EFL1: variants seen among roughly 807,000 people sequenced by gnomAD.
EFL1 encodes elongation factor like GTPase 1.
Under a neutral mutation model 126.7 loss-of-function variants are expected in EFL1, and 76 were observed. That is an observed-to-expected ratio of 0.60 (90% CI 0.50 to 0.73). EFL1 has a LOEUF of 0.73. Among genes scored for constraint, EFL1 ranks in the 30% least tolerant of loss-of-function variants. EFL1 has a pLI of 0.00. For synonymous variants in EFL1, 410 were observed against 448.4 expected (o/e 0.91, Z 1.08); for missense variants, 1,128 against 1,343.2 (o/e 0.84, Z 2.50).
At position 82,130,395 on chromosome 15, in the gene EFL1, C is replaced by T. The variant is rs2073626111; in HGVS notation, c.3341G>A (p.Arg1114Lys). The part of the protein sequence containing the change: ...EKIVEHAEKQ[R>K]TLSKNK ...TAGCTACTTATTTTTGCTGAGTGTC[C>T]TCTGCTTTTCTGCATGCTCCACAAT... The change falls in exon 20 of 20, where the codon AGG becomes AAG. Residue 1114 changes from arginine to lysine, a missense_variant. Arg to Lys is a conservative substitution (Grantham distance 26, BLOSUM62 2). This residue lies in a region of EFL1 where 561 missense variants were observed against 641.7 expected (regional missense o/e 0.87). Coordinates refer to ENST00000268206, the MANE Select transcript of EFL1 (RefSeq NM_024580.6). 3 of 1,614,010 alleles carry T rather than the reference C, an allele frequency of 1.9e-6. No homozygotes were observed. The East Asian group carries it at 6.7e-5, about 36-fold the overall frequency.
chr15:82,233,019 A>AT (rs1261224811), intron 7 of EFL1, among the ~76,000 whole-genome samples: 2 of 152,154 alleles, frequency 1.3e-5, no homozygotes, highest in Non-Finnish European at 2.9e-5. Context: ...AAACTTAAAG[A>AT]TTTTTATAAA....
intron 15 of EFL1, among the ~76,000 whole-genome samples, chr15:82,168,988 G>C (rs1258648198): frequency 6.6e-6 from 1 of 151,870 alleles, no homozygotes; most frequent in African/African-American, 2.4e-5. Flanking sequence ...AACAAGTTGA[G>C]TTTTATTATG....
chr15:82,239,159 T>C (rs1452609609), intron 6 of EFL1, among the ~76,000 whole-genome samples: 22 of 152,062 alleles, frequency 1.4e-4, no homozygotes, highest in Admixed American at 1.4e-3. Context: ...TTTTCTGAGG[T>C]GGAGTCTCGC....
chr15:82,153,549 G>C (rs565147740), intron 17 of EFL1, among the ~76,000 whole-genome samples: 13 of 152,236 alleles, frequency 8.5e-5, no homozygotes, highest in African/African-American at 3.1e-4. Context: ...TAATTTTGTA[G>C]AAGAGAAAAC....
intron 14 of EFL1, among the ~76,000 whole-genome samples, chr15:82,216,823 A>T (rs985785858): frequency 2.0e-5 from 3 of 152,172 alleles, no homozygotes; most frequent in African/African-American, 7.2e-5. Flanking sequence ...AATAATGATA[A>T]TTCGAGTACA....
chr15:82,240,580 TA>T (rs2074921190), intron 5 of EFL1, 25 bp from the exon 6 acceptor site: 1 of 1,610,186 alleles, frequency 6.2e-7, no homozygotes, highest in South Asian at 1.1e-5. Flanking sequence ...AAGAAAAATG[TA>T]AAACTCATGA....
chr15:82,147,075 G>A (rs1029983435), intron 18 of EFL1, among the ~76,000 whole-genome samples: 3 of 151,970 alleles, frequency 2.0e-5, no homozygotes, highest in Admixed American at 1.3e-4. Flanking sequence ...AACACAGAGG[G>A]GTGACTCAAC....
intron 12 of EFL1, among the ~76,000 whole-genome samples, 160 bp downstream of exon 12, chr15:82,225,000 ATATAC>A (rs1386679750): frequency 1.3e-5 from 2 of 152,204 alleles, no homozygotes; most frequent in East Asian, 3.9e-4. Flanking sequence ...TCACAAAAGG[ATATAC>A]TACTGTATAA....
chr15:82,225,357 A>C, intron 11 of EFL1, 93 bp from the exon 12 acceptor site: 24 of 939,076 alleles, frequency 2.6e-5, no homozygotes, highest in Non-Finnish European at 3.7e-5. Context: ...TGTTTAGAAC[A>C]TGGATGGCAT....
intron 15 of EFL1, among the ~76,000 whole-genome samples, chr15:82,210,102 G>A (rs1349694161): frequency 6.6e-6 from 1 of 152,196 alleles, no homozygotes; most frequent in Non-Finnish European, 1.5e-5. Context: ...GTTTACAGGT[G>A]TGCCCTGATC....
At chr15:82,230,336 A>G (rs1304797145) in intron 8 of EFL1, among the ~76,000 whole-genome samples, 1 of 152,164 alleles carries the variant, frequency 6.6e-6, no homozygotes, top group African/African-American at 2.4e-5. Flanking sequence ...CTCCAAGAAA[A>G]GTATCCTTTG....
chr15:82,224,522 G>A (rs2141307813), intron 12 of EFL1, among the ~76,000 whole-genome samples: 1 of 152,280 alleles, frequency 6.6e-6, no homozygotes, highest in Admixed American at 6.5e-5. Flanking sequence ...TCATAGCTGA[G>A]TCTTATAAAG....
chr15:82,251,909 TC>T (rs1186275825), intron 4 of EFL1, among the ~76,000 whole-genome samples: 5 of 152,236 alleles, frequency 3.3e-5, no homozygotes, highest in South Asian at 4.1e-4. Context: ...AGTGCAAGTT[TC>T]TCCATAATCT....
intron 15 of EFL1, among the ~76,000 whole-genome samples, chr15:82,211,368 T>C (rs2074583101): frequency 6.6e-6 from 1 of 151,028 alleles, no homozygotes; most frequent in Middle Eastern, 3.2e-3. Flanking sequence ...CTACTAAAAA[T>C]ACAAAAAATT....
intron 15 of EFL1, among the ~76,000 whole-genome samples, chr15:82,212,159 A>G (rs1323295868): frequency 6.6e-6 from 1 of 152,250 alleles, no homozygotes; most frequent in Non-Finnish European, 1.5e-5. Context: ...AAAATTACAA[A>G]TACAATTTTG....
chr15:82,160,336 T>C (rs2074010132), intron 16 of EFL1, among the ~76,000 whole-genome samples: 1 of 152,150 alleles, frequency 6.6e-6, no homozygotes. Context: ...CTACCACTAC[T>C]TGAGAGACAC....
At chr15:82,168,971 T>C (rs961611392) in intron 15 of EFL1, among the ~76,000 whole-genome samples, 21 of 152,106 alleles carry the variant, frequency 1.4e-4, no homozygotes, top group African/African-American at 4.6e-4. Flanking sequence ...TGTCCCTCAG[T>C]GTCCTGAACA....
At chr15:82,200,434 C>A (rs1488869846) in intron 15 of EFL1, among the ~76,000 whole-genome samples, 1 of 152,140 alleles carries the variant, frequency 6.6e-6, no homozygotes, top group African/African-American at 2.4e-5. Flanking sequence ...GACTGGAAAC[C>A]GGCTCCAAGC....
chr15:82,220,459 C>T (rs2074700024), intron 12 of EFL1, among the ~76,000 whole-genome samples: 1 of 152,114 alleles, frequency 6.6e-6, no homozygotes, highest in South Asian at 2.1e-4. Flanking sequence ...AGCCCAAGTC[C>T]CCATCTGGAG....
Sources: gnomAD v4.1 joint callset for allele counts (sites outside exome capture counted in the v4.1 genomes callset) on GRCh38, gnomAD v4.1.1 for gene constraint, gnomAD v4.1.1 regional missense constraint, MANE v1.5 for transcripts, NCBI Gene and HGNC (gene_info 2026-07-23, HGNC 2026-07-21) for gene names.